FAM156A: variants seen among roughly 807,000 people sequenced by gnomAD.
FAM156A encodes the protein protein FAM156A/FAM156B.
At chrX:52,989,521 G>A (rs183358622) in intron 1 of FAM156A, among the ~76,000 whole-genome samples, 22 of 112,661 alleles carry the variant, frequency 2.0e-4, no homozygotes, top group Admixed American at 1.5e-3. Context: ...ACTGAGTGTC[G>A]TAGAGGGCAG....
At chrX:52,973,685 C>T (rs782804922) in intron 1 of FAM156A, among the ~76,000 whole-genome samples, 1 of 112,002 alleles carries the variant, frequency 8.9e-6, no homozygotes. Context: ...TTTTTGGAGA[C>T]GGAGTTTCCG....
chrX:52,975,051 TACAC>T (rs61081750), intron 1 of FAM156A, among the ~76,000 whole-genome samples: 1,198 of 83,640 alleles, frequency 0.014, 14 homozygotes, highest in African/African-American at 0.044. Context: ...GTTAAACACA[TACAC>T]ACACACACAC....
At chrX:52,991,813 G>A (rs890313261) in intron 1 of FAM156A, among the ~76,000 whole-genome samples, 15 of 109,417 alleles carry the variant, frequency 1.4e-4, no homozygotes, top group Non-Finnish European at 2.3e-4. Context: ...GGAGATGACA[G>A]TGGGCCTGTA....
At chrX:52,993,408 C>CT (rs147840894) in intron 1 of FAM156A, among the ~76,000 whole-genome samples, 31 of 42,505 alleles carry the variant, frequency 7.3e-4, no homozygotes, top group African/African-American at 2.3e-3. Context: ...TCTTAACTTT[C>CT]TTTTTTTTTT....
chrX:52,991,738 G>A (rs1042712073), intron 1 of FAM156A, among the ~76,000 whole-genome samples: 3 of 111,187 alleles, frequency 2.7e-5, no homozygotes, highest in Non-Finnish European at 5.7e-5. Flanking sequence ...GAGGGTAAGT[G>A]GTAGGCAGAA....
At chrX:52,980,324 C>A (rs1357253357) in intron 1 of FAM156A, among the ~76,000 whole-genome samples, 1 of 112,018 alleles carries the variant, frequency 8.9e-6, no homozygotes, top group Non-Finnish European at 1.9e-5. Flanking sequence ...CCAAAGGGAT[C>A]ATTTCCATGA....
Position 52,983,547 on chromosome X carries a change from TG to T in FAM156A, c.-434+11758del, listed in dbSNP as rs781882284. ...GAGAAATTTTTCTTTTTGTTCCCTT[TG>T]GTTTATCTAAGCTTTGCTCCAGCCC... On this transcript the variant is annotated intron_variant, in intron 1 of 4. Coordinates refer to the FAM156A transcript ENST00000610625. Among the ~76,000 whole-genome samples, 238 of 112,050 alleles carry T rather than the reference TG, an allele frequency of 2.1e-3. 1 individual carries two copies. The highest frequency in any genetic ancestry group is 4.0e-3 in the Non-Finnish European group (211 of 53,142).
rs782124240 is a variant in FAM156A at position 52,980,605 on chromosome X, A to T, written c.-434+14701T>A. ...ATTGTAGTGATCTCTACATGGTTGG[A>T]TGACCAAACGCTGAGTCACAGTGAT... On this transcript the variant is annotated intron_variant, in intron 1 of 4. Coordinates refer to the FAM156A transcript ENST00000610625. Among the ~76,000 whole-genome samples, 5 of 111,691 alleles carry T rather than the reference A, an allele frequency of 4.5e-5. No individual in the cohort carries two copies. In the East Asian group the frequency reaches 1.4e-3, roughly 32 times the overall value.
At chrX:52,983,914 C>T (rs139049059) in intron 1 of FAM156A, among the ~76,000 whole-genome samples, 108 of 112,484 alleles carry the variant, frequency 9.6e-4, no homozygotes, top group African/African-American at 3.4e-3. Context: ...GGTTCATCAC[C>T]CATTACTCCT....
At chrX:52,978,566 T>C (rs1239756575) in intron 1 of FAM156A, among the ~76,000 whole-genome samples, 1 of 112,762 alleles carries the variant, frequency 8.9e-6, no homozygotes, top group Non-Finnish European at 1.9e-5. Context: ...AAAACTCTAC[T>C]GTGCTGCATA....
chrX:52,985,896 C>T (rs782464569), intron 1 of FAM156A, among the ~76,000 whole-genome samples: 1 of 108,844 alleles, frequency 9.2e-6, no homozygotes, highest in African/African-American at 3.3e-5. Flanking sequence ...TACAACATGG[C>T]AAAACTCTGT....
intron 1 of FAM156A, among the ~76,000 whole-genome samples, chrX:52,986,734 C>T (rs965267939): frequency 1.8e-5 from 2 of 111,127 alleles, no homozygotes; most frequent in African/African-American, 3.3e-5. Context: ...CTAAAAAAAT[C>T]CTACACCTTA....
intron 1 of FAM156A, among the ~76,000 whole-genome samples, chrX:52,979,572 C>T (rs192624047): frequency 9.8e-4 from 109 of 111,138 alleles, no homozygotes; most frequent in African/African-American, 3.2e-3. Context: ...GGCAGCCTGA[C>T]GACCTAGCCT....
intron 1 of FAM156A, among the ~76,000 whole-genome samples, chrX:52,974,718 G>A (rs1265883793): frequency 9.0e-5 from 10 of 111,046 alleles, no homozygotes; most frequent in African/African-American, 2.0e-4. Context: ...GAGGAGAATG[G>A]TGACCACAGA....
intron 1 of FAM156A, among the ~76,000 whole-genome samples, chrX:52,984,370 C>A (rs1930117745): frequency 8.9e-6 from 1 of 112,053 alleles, no homozygotes; most frequent in Non-Finnish European, 1.9e-5. Context: ...TTCCAGACTT[C>A]CAGAATGAAA....
At chrX:52,988,154 T>C (rs971526391) in intron 1 of FAM156A, among the ~76,000 whole-genome samples, 2 of 106,590 alleles carry the variant, frequency 1.9e-5, no homozygotes, top group Non-Finnish European at 3.9e-5. Context: ...GGCAGGAGAA[T>C]AGAATCGCTT....
intron 1 of FAM156A, among the ~76,000 whole-genome samples, chrX:52,985,777 C>T (rs1177168336): frequency 9.0e-6 from 1 of 110,552 alleles, no homozygotes; most frequent in Admixed American, 9.6e-5. Flanking sequence ...CCAAAACTTA[C>T]TCAAAAATAG....
intron 1 of FAM156A, among the ~76,000 whole-genome samples, chrX:52,989,609 C>T (rs782002921): frequency 1.8e-5 from 2 of 112,502 alleles, no homozygotes; most frequent in Non-Finnish European, 3.8e-5. Flanking sequence ...GCTGTGCACC[C>T]CCTCAAGCTG....
intron 1 of FAM156A, among the ~76,000 whole-genome samples, chrX:52,983,620 C>T (rs1401586017): frequency 8.9e-6 from 1 of 111,833 alleles, no homozygotes; most frequent in Non-Finnish European, 1.9e-5. Flanking sequence ...GAGAGAGAAA[C>T]CCAAATTTTT....
Sources: gnomAD v4.1 joint callset for allele counts (sites outside exome capture counted in the v4.1 genomes callset) on GRCh38, gnomAD v4.1.1 for gene constraint, MANE v1.5 for transcripts, NCBI Gene and HGNC (gene_info 2026-07-23, HGNC 2026-07-21) for gene names.